FERMT2: variants seen among roughly 807,000 people sequenced by gnomAD.
FERMT2 encodes FERM domain containing kindlin 2.
A neutral mutation model predicts 82.7 loss-of-function variants in FERMT2; 15 were observed. That is an observed-to-expected ratio of 0.18 (90% CI 0.12 to 0.28). FERMT2 has a LOEUF of 0.28. Ranked by LOEUF, FERMT2 falls within the 10% of genes least tolerant of loss-of-function variation. The pLI is 1.00. For missense variants in FERMT2, 645 were observed against 809.4 expected (o/e 0.80, Z 2.46); for synonymous variants, 274 against 271.5 (o/e 1.01, Z -0.09).
rs753733199 is a variant in FERMT2 at position 52,875,317 on chromosome 14, T to C, written c.1004A>G (p.His335Arg). ...NKLSIMTSEN[H>R]LNNSDKEVDE... ...AACTTCTTTGTCACTGTTGTTCAAA[T>C]GATTCTCTGATGTCATGATTGACAG... Residue 335 changes from histidine (H) to arginine (R), a missense_variant, in exon 8 of 15, where the codon CAT becomes CGT. Coordinates refer to ENST00000341590, the MANE Select transcript of FERMT2 (RefSeq NM_006832.3). 6.2e-7 allele frequency: 1 copy of C among 1,610,534 alleles called. No individual in the cohort carries two copies. Among genetic ancestry groups the C allele is most frequent in the Non-Finnish European group, 8.5e-7 (1 of 1,176,998 alleles).
intron 10 of FERMT2, among the ~76,000 whole-genome samples, chr14:52,866,439 C>T (rs530017090): frequency 6.6e-6 from 1 of 152,298 alleles, no homozygotes; most frequent in South Asian, 2.1e-4. Context: ...CCAGCCTGGA[C>T]CACATTCACT....
intron 4 of FERMT2, among the ~76,000 whole-genome samples, chr14:52,884,047 A>G (rs1035099896): frequency 1.3e-5 from 2 of 152,224 alleles, no homozygotes; most frequent in African/African-American, 2.4e-5. Flanking sequence ...CAATTCAAGA[A>G]TGAACAAATA....
At chr14:52,934,997 T>C (rs753051807) in intron 2 of FERMT2, among the ~76,000 whole-genome samples, 1 of 152,242 alleles carries the variant, frequency 6.6e-6, no homozygotes, top group Non-Finnish European at 1.5e-5. Context: ...TAGTGCTTTG[T>C]GGACTGAAGA....
chr14:52,948,911 G>C (rs558718054), intron 2 of FERMT2, among the ~76,000 whole-genome samples: 135 of 152,136 alleles, frequency 8.9e-4, no homozygotes, highest in African/African-American at 3.2e-3. Flanking sequence ...TGTTTTCTTT[G>C]AAAACAAAAT....
At chr14:52,863,260 A>G (rs1188993987) in intron 12 of FERMT2, 2 of 152,094 alleles carry the variant, frequency 1.3e-5, no homozygotes, top group African/African-American at 4.8e-5. Context: ...AATTCTGAAC[A>G]TTTAGGTAGA....
intron 7 of FERMT2, among the ~76,000 whole-genome samples, chr14:52,877,150 T>C (rs952984417): frequency 1.2e-4 from 18 of 152,312 alleles, no homozygotes; most frequent in African/African-American, 4.3e-4. Flanking sequence ...GCCAGGCATA[T>C]AATAGGCATC....
At chr14:52,931,092 T>A (rs918605037) in intron 2 of FERMT2, among the ~76,000 whole-genome samples, 1 of 152,060 alleles carries the variant, frequency 6.6e-6, no homozygotes, top group African/African-American at 2.4e-5. Flanking sequence ...AGATGAAGAG[T>A]GTGGCTCTTC....
intron 10 of FERMT2, among the ~76,000 whole-genome samples, chr14:52,869,057 T>C (rs1164323037): frequency 6.6e-6 from 1 of 152,006 alleles, no homozygotes; most frequent in Non-Finnish European, 1.5e-5. Flanking sequence ...ACAGGGACAG[T>C]GAGAACAGGG....
At chr14:52,888,346 G>A (rs150959505) in intron 4 of FERMT2, among the ~76,000 whole-genome samples, 7 of 152,274 alleles carry the variant, frequency 4.6e-5, no homozygotes, top group African/African-American at 1.7e-4. Context: ...AATCAAGGCA[G>A]CCCAGCTTAA....
intron 3 of FERMT2, among the ~76,000 whole-genome samples, chr14:52,908,702 C>A (rs1888152094): frequency 6.6e-6 from 1 of 152,210 alleles, no homozygotes; most frequent in Non-Finnish European, 1.5e-5. Context: ...CTACATCTTG[C>A]TGGTGGTCCA....
In FERMT2 at chr14:52,857,707, A is replaced by AAAG. The variant is rs1491285266; in HGVS notation, c.*667_*669dup. The AAAG allele has an allele frequency of 6.7e-6, 1 of 148,948 alleles. No homozygotes were observed. Among genetic ancestry groups the AAAG allele is most frequent in the Non-Finnish European group, 1.5e-5 (1 of 65,638 alleles). 9.2% of individuals were successfully genotyped at this position (148,948 alleles called of 1,614,324 possible). A position where few individuals can be genotyped will look rare whatever the true frequency, so the allele number is the denominator to read the frequency against. Reference sequence around the variant, plus strand: ...AGAACTTTACTTCATATTGTAATGCAAAGAGTTGCATATTTTAGGCAGACA... The same window carrying AAAG: ...AGAACTTTACTTCATATTGTAATGCAAAGAAGAGTTGCATATTTTAGGCAGACA... On this transcript the variant is annotated 3_prime_UTR_variant, in exon 15 of 15. Transcript: ENST00000341590.
chr14:52,867,602 T>G (rs1885364629), intron 10 of FERMT2, among the ~76,000 whole-genome samples: 1 of 152,150 alleles, frequency 6.6e-6, no homozygotes, highest in Non-Finnish European at 1.5e-5. Flanking sequence ...ATGGCTGCAC[T>G]TACCATTACT....
At chr14:52,858,724 A>T in intron 14 of FERMT2, 174 bp from the exon 15 acceptor site, 1 of 565,904 alleles carries the variant, frequency 1.8e-6, no homozygotes, top group Non-Finnish European at 3.1e-6. Context: ...AGAAGAAGCT[A>T]AGTTTATTGC....
chr14:52,924,574 T>G (rs1354709694), intron 2 of FERMT2, among the ~76,000 whole-genome samples: 1 of 152,066 alleles, frequency 6.6e-6, no homozygotes, highest in African/African-American at 2.4e-5. Context: ...GTGATGGGGG[T>G]ATGCAAGAGT....
intron 3 of FERMT2, among the ~76,000 whole-genome samples, chr14:52,901,132 T>C (rs1040983890): frequency 1.5e-4 from 17 of 112,866 alleles, no homozygotes. Context: ...AAAAAAAAAA[T>C]TAGCTGGGCG....
intron 12 of FERMT2, chr14:52,860,972 T>G: frequency 2.8e-6 from 4 of 1,439,540 alleles, no homozygotes; most frequent in Non-Finnish European, 3.8e-6. Context: ...CTATGAATTT[T>G]TATTTATTCT....
At chr14:52,896,445 C>T (rs763850652) in intron 3 of FERMT2, among the ~76,000 whole-genome samples, 3 of 152,044 alleles carry the variant, frequency 2.0e-5, no homozygotes, top group Non-Finnish European at 2.9e-5. Flanking sequence ...TAGGATCCTA[C>T]CATGCTGCTA....
intron 2 of FERMT2, among the ~76,000 whole-genome samples, chr14:52,946,141 C>G (rs111716435): frequency 1.2e-3 from 190 of 152,226 alleles, no homozygotes; most frequent in African/African-American, 4.5e-3. Flanking sequence ...TCCCAAAGTG[C>G]TGGGATTAGA....
chr14:52,907,768 C>T (rs1244081139), intron 3 of FERMT2, among the ~76,000 whole-genome samples: 3 of 151,290 alleles, frequency 2.0e-5, no homozygotes, highest in Non-Finnish European at 4.4e-5. Flanking sequence ...AAAACAACCA[C>T]CCCCCACCAA....
Sources: gnomAD v4.1 joint callset for allele counts (sites outside exome capture counted in the v4.1 genomes callset) on GRCh38, gnomAD v4.1.1 for gene constraint, MANE v1.5 for transcripts, NCBI Gene and HGNC (gene_info 2026-07-23, HGNC 2026-07-21) for gene names.